Variants in TMCC1 observed in about 807,000 individuals in gnomAD.
TMCC1 encodes transmembrane and coiled-coil domains protein 1.
In TMCC1, 15 loss-of-function variants were observed where a neutral mutation model predicts 52.4. The observed-to-expected ratio is 0.29, with a 90% CI of 0.19 to 0.44. The LOEUF (loss-of-function observed/expected upper bound fraction) is 0.44, where lower values mean the gene tolerates loss of function less well. TMCC1 is among the 20% of genes least tolerant of loss of function. The pLI, the probability that TMCC1 is intolerant of heterozygous loss-of-function variation, is 1.00. For missense variants in TMCC1, 503 were observed against 806.0 expected (o/e 0.62, Z 4.55); for synonymous variants, 279 against 301.9 (o/e 0.92, Z 0.79).
At chr3:129,667,598 T>C (rs1037502437) in intron 5 of TMCC1, among the ~76,000 whole-genome samples, 2 of 152,166 alleles carry the variant, frequency 1.3e-5, no homozygotes, top group Non-Finnish European at 2.9e-5. Flanking sequence ...CTTCATTCCA[T>C]AAAACTAGTC....
chr3:129,749,496 T>C (rs2052304871), intron 4 of TMCC1, among the ~76,000 whole-genome samples: 1 of 151,818 alleles, frequency 6.6e-6, no homozygotes, highest in African/African-American at 2.4e-5. Context: ...TTTGATCTCT[T>C]AAAAGAAAAA....
intron 4 of TMCC1, among the ~76,000 whole-genome samples, chr3:129,749,042 T>G (rs1221604288): frequency 6.6e-6 from 1 of 151,852 alleles, no homozygotes; most frequent in Admixed American, 6.6e-5. Flanking sequence ...TAATTAAAAA[T>G]TGAATTTCCA....
chr3:129,786,441 A>T (rs1290194134), intron 4 of TMCC1, among the ~76,000 whole-genome samples: 1 of 152,100 alleles, frequency 6.6e-6, no homozygotes, highest in Non-Finnish European at 1.5e-5. Flanking sequence ...CTACCAAATG[A>T]TCTCTACTTT....
At chr3:129,797,272 G>A (rs1164153739) in intron 4 of TMCC1, among the ~76,000 whole-genome samples, 1 of 151,866 alleles carries the variant, frequency 6.6e-6, no homozygotes, top group Non-Finnish European at 1.5e-5. Context: ...CTTGCAGTGA[G>A]CCGAGATCAC....
At chr3:129,885,578 T>C (rs1224860278) in intron 1 of TMCC1, among the ~76,000 whole-genome samples, 1 of 152,128 alleles carries the variant, frequency 6.6e-6, no homozygotes, top group East Asian at 1.9e-4. Flanking sequence ...CAGAGAGACT[T>C]CATCTCAAAA....
At chr3:129,660,309 G>A (rs1355891816) in intron 5 of TMCC1, among the ~76,000 whole-genome samples, 2 of 151,904 alleles carry the variant, frequency 1.3e-5, no homozygotes, top group Non-Finnish European at 1.5e-5. Context: ...CACCACGCCC[G>A]GTTAATTTTG....
chr3:129,808,854 A>G (rs1178467896), intron 4 of TMCC1, among the ~76,000 whole-genome samples: 1 of 151,314 alleles, frequency 6.6e-6, no homozygotes, highest in African/African-American at 2.4e-5. Context: ...ATATTTAGAT[A>G]AATTTCAGAA....
chr3:129,813,708 T>C (rs2057952877), intron 4 of TMCC1, among the ~76,000 whole-genome samples: 1 of 151,946 alleles, frequency 6.6e-6, no homozygotes, highest in African/African-American at 2.4e-5. Context: ...GCTTATTACC[T>C]GGGTAATGAA....
chr3:129,796,315 C>T (rs994132482), intron 4 of TMCC1, among the ~76,000 whole-genome samples: 2 of 152,134 alleles, frequency 1.3e-5, no homozygotes, highest in African/African-American at 4.8e-5. Flanking sequence ...TGTAAGGACA[C>T]TCTACGATGT....
intron 2 of TMCC1, among the ~76,000 whole-genome samples, chr3:129,862,065 T>C (rs181779416): frequency 1.3e-5 from 2 of 152,270 alleles, no homozygotes; most frequent in East Asian, 3.9e-4. Flanking sequence ...TACAACAAAA[T>C]GTATAAATGT....
chr3:129,706,648 G>C (rs1039473715), intron 4 of TMCC1, among the ~76,000 whole-genome samples: 7 of 152,126 alleles, frequency 4.6e-5, no homozygotes, highest in African/African-American at 1.7e-4. Flanking sequence ...CATTAACACA[G>C]GAAACTCCTA....
intron 4 of TMCC1, among the ~76,000 whole-genome samples, chr3:129,795,001 C>G (rs558093645): frequency 1.3e-5 from 2 of 152,134 alleles, no homozygotes; most frequent in African/African-American, 4.8e-5. Flanking sequence ...CAGCTGGGCT[C>G]GGCAGCTGTG....
intron 4 of TMCC1, among the ~76,000 whole-genome samples, chr3:129,726,991 T>A (rs2050159700): frequency 6.6e-6 from 1 of 150,800 alleles, no homozygotes; most frequent in Non-Finnish European, 1.5e-5. Flanking sequence ...CCCTATCAGA[T>A]CTAGAATCCA....
intron 4 of TMCC1, among the ~76,000 whole-genome samples, chr3:129,684,539 T>C (rs780625894): frequency 1.3e-5 from 2 of 152,096 alleles, no homozygotes; most frequent in Non-Finnish European, 2.9e-5. Flanking sequence ...TGAAAAATAC[T>C]AGATGGATTC....
chr3:129,854,651 T>C (rs748439462), intron 2 of TMCC1, among the ~76,000 whole-genome samples: 2 of 152,146 alleles, frequency 1.3e-5, no homozygotes, highest in Non-Finnish European at 2.9e-5. Flanking sequence ...GCCTCTGCAC[T>C]TGCTATTTCT....
At chr3:129,857,872 TA>T (rs2060214694) in intron 2 of TMCC1, among the ~76,000 whole-genome samples, 1 of 152,212 alleles carries the variant, frequency 6.6e-6, no homozygotes, top group Non-Finnish European at 1.5e-5. Context: ...CATGTCCAAG[TA>T]ACTGTTAACA....
chr3:129,839,630 C>A (rs1050654171), intron 2 of TMCC1, among the ~76,000 whole-genome samples: 4 of 152,122 alleles, frequency 2.6e-5, no homozygotes, highest in South Asian at 2.1e-4. Context: ...GTGGCACACA[C>A]CTATAGTCCC....
At chr3:129,688,185 C>T in intron 4 of TMCC1, 1 of 985,312 alleles carries the variant, frequency 1.0e-6, no homozygotes, top group South Asian at 4.7e-5. Context: ...ACCAAAACCC[C>T]CTGTCAGGCA....
intron 4 of TMCC1, among the ~76,000 whole-genome samples, chr3:129,786,221 T>C (rs751140192): frequency 5.3e-5 from 8 of 152,116 alleles, no homozygotes; most frequent in Non-Finnish European, 1.0e-4. Flanking sequence ...ATTACAAGTG[T>C]GAGCTGCCGT....
Sources: allele counts gnomAD v4.1 joint callset (sites outside exome capture counted in the v4.1 genomes callset), GRCh38; gene constraint gnomAD v4.1.1; transcripts MANE v1.5; gene names NCBI Gene and HGNC (gene_info 2026-07-23, HGNC 2026-07-21).